UBE2L3: variants seen among roughly 807,000 people sequenced by gnomAD.
The protein encoded by UBE2L3 is ubiquitin-conjugating enzyme E2 L3.
In UBE2L3, 1 loss-of-function variant was observed where a neutral mutation model predicts 17.8. The ratio of observed to expected loss-of-function variants is 0.06; its 90% confidence interval spans 0.02 to 0.27. UBE2L3 has a LOEUF of 0.27. Ranked by LOEUF, UBE2L3 falls within the 10% of genes least tolerant of loss-of-function variation. UBE2L3 has a pLI of 1.00. For missense variants in UBE2L3, 40 were observed against 192.6 expected (o/e 0.21, Z 4.69); for synonymous variants, 44 against 68.5 (o/e 0.64, Z 1.76).
intron 1 of UBE2L3, among the ~76,000 whole-genome samples, chr22:21,576,129 T>G (rs1235509880): frequency 6.6e-6 from 1 of 150,606 alleles, no homozygotes; most frequent in African/African-American, 2.4e-5. Context: ...TTTTTTTTTT[T>G]TTTGAGGCGG....
At chr22:21,584,810 A>G (rs930037272) in intron 1 of UBE2L3, among the ~76,000 whole-genome samples, 1 of 151,972 alleles carries the variant, frequency 6.6e-6, no homozygotes, top group African/African-American at 2.4e-5. Flanking sequence ...AAAATACAAA[A>G]ATGAGCTGGG....
At chr22:21,607,709 C>T (rs1429314529) in intron 2 of UBE2L3, among the ~76,000 whole-genome samples, 1 of 151,820 alleles carries the variant, frequency 6.6e-6, no homozygotes, top group Non-Finnish European at 1.5e-5. Flanking sequence ...TGAGTCATCT[C>T]TCAGGCTCCT....
chr22:21,587,761 G>A (rs913447701), intron 1 of UBE2L3, among the ~76,000 whole-genome samples: 1 of 152,168 alleles, frequency 6.6e-6, no homozygotes, highest in African/African-American at 2.4e-5. Flanking sequence ...GTTAGTGCTT[G>A]CAAAGCTGTT....
rs149540763 is a variant in UBE2L3, at chr22:21,608,938, A to G, written c.124-1919A>G. Among the ~76,000 whole-genome samples the G allele has an allele frequency of 2.1e-3, 317 of 151,384 alleles. 1 individual carries two copies. Among genetic ancestry groups the G allele is most frequent in the African/African-American group, 7.3e-3 (303 of 41,260 alleles). The stretch of plus-strand genomic sequence containing the variant: ...GAGACTCAGTCTCGCTCTTTCGTCC[A>G]GGCCAGACTGCAGTGGCGCAATCTC... On this transcript the variant is annotated intron_variant, in intron 2 of 3. Transcript: ENST00000342192.
chr22:21,595,611 T>G (rs1928471893), intron 2 of UBE2L3, among the ~76,000 whole-genome samples: 1 of 152,206 alleles, frequency 6.6e-6, no homozygotes. Flanking sequence ...TCCTAGAGAC[T>G]TCATTGTTGC....
intron 2 of UBE2L3, among the ~76,000 whole-genome samples, chr22:21,603,255 C>T (rs763037476): frequency 2.6e-5 from 4 of 152,036 alleles, no homozygotes; most frequent in Non-Finnish European, 4.4e-5. Context: ...GGGCCGGGTG[C>T]GGTGGCTCAC....
intron 2 of UBE2L3, among the ~76,000 whole-genome samples, chr22:21,608,688 G>A (rs560259929): frequency 6.6e-6 from 1 of 151,208 alleles, no homozygotes; most frequent in Non-Finnish European, 1.5e-5. Context: ...GCCTCCCAAA[G>A]TGCTGGGATT....
At chr22:21,611,532 A>G (rs1399009025) in intron 3 of UBE2L3, among the ~76,000 whole-genome samples, 1 of 152,176 alleles carries the variant, frequency 6.6e-6, no homozygotes, top group Non-Finnish European at 1.5e-5. Context: ...GGAGGGACAG[A>G]GGCAGATGTA....
chr22:21,571,872 G>A (rs1319247570), intron 1 of UBE2L3, among the ~76,000 whole-genome samples: 1 of 152,188 alleles, frequency 6.6e-6, no homozygotes, highest in East Asian at 1.9e-4. Context: ...GGGTGATTAA[G>A]GAGATAGAGC....
At chr22:21,560,388 G>C (rs1372947888) in intron 1 of UBE2L3, among the ~76,000 whole-genome samples, 1 of 152,112 alleles carries the variant, frequency 6.6e-6, no homozygotes, top group South Asian at 2.1e-4. Context: ...CCACACTGCT[G>C]CCAGGACAGA....
At chr22:21,564,878 C>T (rs78232528), upstream of UBE2L3, among the ~76,000 whole-genome samples, 121 of 152,228 alleles carry the variant, frequency 7.9e-4, no homozygotes, top group African/African-American at 2.8e-3. Flanking sequence ...TCCCAGACTT[C>T]TAAGTCCCAC....
intron 1 of UBE2L3, among the ~76,000 whole-genome samples, chr22:21,573,933 G>A (rs367943357): frequency 1.1e-4 from 16 of 152,326 alleles, no homozygotes; most frequent in East Asian, 5.8e-4. Context: ...AGCCTTGGAG[G>A]GTGAGCTACC....
chr22:21,621,389 G>T, intron 3 of UBE2L3, 126 bp from the exon 4 acceptor site: 1 of 1,227,170 alleles, frequency 8.1e-7, no homozygotes, highest in Non-Finnish European at 1.1e-6. Flanking sequence ...AGGCAGCTTT[G>T]GCTTAAAAGC....
At chr22:21,568,098 C>G in intron 1 of UBE2L3, 1 of 1,144,460 alleles carries the variant, frequency 8.7e-7, no homozygotes, top group South Asian at 3.3e-5. Flanking sequence ...AATGTGAGAG[C>G]CCGGTTGGGA....
chr22:21,594,846 T>C (rs1928435737), intron 2 of UBE2L3, among the ~76,000 whole-genome samples: 1 of 152,182 alleles, frequency 6.6e-6, no homozygotes, highest in Non-Finnish European at 1.5e-5. Context: ...TGAGATTGTG[T>C]AGTCTACTGA....
In UBE2L3 at chr22:21,618,011, C is replaced by G. The variant is rs181735473; in HGVS notation, c.311-3504C>G. ...CCTGGGTAACATGGTGAAACCCCAT[C>G]TTTACTAAAATTACAAAGAATTAGC... On this transcript the variant is annotated intron_variant, in intron 3 of 3. Coordinates refer to ENST00000342192, the MANE Select transcript of UBE2L3 (RefSeq NM_003347.4). 1.7e-3 allele frequency among the ~76,000 whole-genome samples: 251 copies of G among 151,906 alleles called. 1 individual carries two copies. The highest frequency in any genetic ancestry group is 5.8e-3 in the African/African-American group (242 of 41,388).
chr22:21,575,199 C>T (rs1927195661), intron 1 of UBE2L3, among the ~76,000 whole-genome samples: 1 of 141,134 alleles, frequency 7.1e-6, no homozygotes, highest in African/African-American at 2.7e-5. Flanking sequence ...GCAGAGGTTG[C>T]AGTGAGCCAA....
chr22:21,568,139 C>T (rs2148397167), intron 1 of UBE2L3: 3 of 1,036,462 alleles, frequency 2.9e-6, no homozygotes, highest in African/African-American at 3.4e-5. Flanking sequence ...CGGGGAAGGC[C>T]CGAGCGCCGG....
At chr22:21,581,779 G>A (rs1927651398) in intron 1 of UBE2L3, among the ~76,000 whole-genome samples, 1 of 150,316 alleles carries the variant, frequency 6.7e-6, no homozygotes, top group African/African-American at 2.5e-5. Context: ...TCCAACCTGG[G>A]CAACAATAGT....
Sources: gnomAD v4.1 joint callset for allele counts (sites outside exome capture counted in the v4.1 genomes callset) on GRCh38, gnomAD v4.1.1 for gene constraint, MANE v1.5 for transcripts, NCBI Gene and HGNC (gene_info 2026-07-23, HGNC 2026-07-21) for gene names.